RBP2: variants seen among roughly 807,000 people sequenced by gnomAD.
RBP2 encodes the protein retinol binding protein 2, also known as retinol-binding protein 2.
RBP2 carries 17 observed loss-of-function variants against 17.0 expected under a neutral mutation model. The observed-to-expected ratio is 1.00, with a 90% confidence interval of 0.68 to 1.50. The LOEUF (loss-of-function observed/expected upper bound fraction) is 1.50. Ranked by LOEUF, RBP2 falls within the 40% of genes most tolerant of loss-of-function variation. The pLI is 0.00. For synonymous variants in RBP2, 48 were observed against 57.1 expected, an observed-to-expected ratio of 0.84 and a Z score of 0.72; for missense variants, 158 against 168.2, an observed-to-expected ratio of 0.94 and a Z score of 0.33.
At chr3:139,460,167 G>C (rs767470266) in intron 2 of RBP2, among the ~76,000 whole-genome samples, 1 of 152,324 alleles carries the variant, frequency 6.6e-6, no homozygotes, top group East Asian at 1.9e-4. Context: ...CACTGATTGG[G>C]TTGGAACAGC....
chr3:139,455,840 C>G (rs965895234), intron 2 of RBP2, among the ~76,000 whole-genome samples: 1 of 152,204 alleles, frequency 6.6e-6, no homozygotes, highest in Non-Finnish European at 1.5e-5. Context: ...GCTGAACAGC[C>G]AGGCTACAGT....
At chr3:139,462,324 T>C (rs755289228) in intron 1 of RBP2, 34 bp from the exon 2 acceptor site, 1 of 1,606,992 alleles carries the variant, frequency 6.2e-7, no homozygotes, top group Admixed American at 1.7e-5. Context: ...GGTTATGATG[T>C]GCTCAGCCAG....
intron 1 of RBP2, among the ~76,000 whole-genome samples, chr3:139,465,720 T>C (rs1462518727): frequency 6.6e-6 from 1 of 152,192 alleles, no homozygotes; most frequent in Non-Finnish European, 1.5e-5. Context: ...AGGCAGTTTG[T>C]TTTCCAAAGC....
At chr3:139,458,144 T>C (rs1933041763) in intron 2 of RBP2, among the ~76,000 whole-genome samples, 1 of 152,216 alleles carries the variant, frequency 6.6e-6, no homozygotes, top group Non-Finnish European at 1.5e-5. Flanking sequence ...CAGGTGTTTT[T>C]TGTTATATTC....
intron 1 of RBP2, among the ~76,000 whole-genome samples, chr3:139,465,574 G>A (rs1040423746): frequency 2.0e-5 from 3 of 152,138 alleles, no homozygotes; most frequent in Non-Finnish European, 4.4e-5. Flanking sequence ...CCCAAGCTCT[G>A]GGGTAGCCCA....
intron 1 of RBP2, among the ~76,000 whole-genome samples, chr3:139,467,783 C>T (rs1439458305): frequency 6.6e-6 from 1 of 152,168 alleles, no homozygotes; most frequent in Admixed American, 6.6e-5. Context: ...CCATAGCTGT[C>T]TGCACTCCAT....
intron 1 of RBP2, among the ~76,000 whole-genome samples, chr3:139,470,658 T>C (rs1933533354): frequency 1.3e-5 from 2 of 151,794 alleles, no homozygotes; most frequent in South Asian, 4.2e-4. Flanking sequence ...ACACACCAGC[T>C]TTCTCAAATC....
chr3:139,473,248 A>G (rs1369806804), intron 1 of RBP2, among the ~76,000 whole-genome samples: 2 of 152,210 alleles, frequency 1.3e-5, no homozygotes, highest in Non-Finnish European at 2.9e-5. Flanking sequence ...TGAACTCTTA[A>G]TGATGTAATT....
chr3:139,460,429 T>C (rs1318355736), intron 2 of RBP2, among the ~76,000 whole-genome samples: 2 of 152,242 alleles, frequency 1.3e-5, no homozygotes, highest in East Asian at 3.8e-4. Context: ...CTAAATATAA[T>C]TCAACCTTGA....
At chr3:139,464,687 A>G (rs1933302072) in intron 1 of RBP2, among the ~76,000 whole-genome samples, 1 of 152,240 alleles carries the variant, frequency 6.6e-6, no homozygotes, top group South Asian at 2.1e-4. Context: ...ACATACCTGT[A>G]TCCTAAGTTG....
Position 139,452,885 on chromosome 3 carries a change from A to C in RBP2, c.*231T>G. The C allele has an allele frequency of 1.8e-6, 1 of 563,480 alleles. No homozygotes were observed. Among genetic ancestry groups the C allele is most frequent in the Non-Finnish European group, 3.2e-6 (1 of 315,994 alleles). 34.9% of individuals were successfully genotyped at this position (563,480 alleles called of 1,614,324 possible). On this transcript the variant is annotated 3_prime_UTR_variant, in exon 4 of 4. Transcript: ENST00000232217. ...TCTAGAAATAAACGGAGATCCATAT[A>C]AAGGGTTTCAAAATATGGGAGTAAT...
intron 2 of RBP2, among the ~76,000 whole-genome samples, chr3:139,456,654 AC>A (rs547017565): frequency 1.8e-3 from 267 of 152,252 alleles, no homozygotes; most frequent in Non-Finnish European, 3.3e-3. Flanking sequence ...AGTAAAAGAA[AC>A]CCTTACTAGT....
chr3:139,457,608 TAAG>T (rs1576420116), intron 2 of RBP2, among the ~76,000 whole-genome samples: 1 of 152,316 alleles, frequency 6.6e-6, no homozygotes, highest in South Asian at 2.1e-4. Flanking sequence ...TATATAAAAA[TAAG>T]AAGCAGAAAG....
At chr3:139,461,278 G>A (rs187161196) in intron 2 of RBP2, among the ~76,000 whole-genome samples, 1 of 152,282 alleles carries the variant, frequency 6.6e-6, no homozygotes, top group East Asian at 1.9e-4. Flanking sequence ...GTGGGCAAGA[G>A]CCTGCTTCTT....
chr3:139,454,979 A>G (rs575413130), intron 2 of RBP2, 149 bp from the exon 3 acceptor site: 1 of 698,748 alleles, frequency 1.4e-6, no homozygotes, highest in African/African-American at 1.8e-5. Flanking sequence ...AGATGCTTCC[A>G]ATGTCATTTT....
intron 2 of RBP2, among the ~76,000 whole-genome samples, chr3:139,458,517 G>A (rs79361389): frequency 0.067 from 10,146 of 152,098 alleles, 446 homozygotes; most frequent in Middle Eastern, 0.15. Flanking sequence ...TACACAATTC[G>A]GTAGCTTTTA....
intron 2 of RBP2, among the ~76,000 whole-genome samples, chr3:139,456,939 C>T (rs12695698): frequency 0.27 from 41,163 of 152,074 alleles, 7,031 homozygotes; most frequent in East Asian, 0.86. Context: ...ATAATTTGCT[C>T]TTTCTTATCA....
chr3:139,458,108 TGTG>T (rs1218631213), intron 2 of RBP2, among the ~76,000 whole-genome samples: 1 of 152,202 alleles, frequency 6.6e-6, no homozygotes, highest in Non-Finnish European at 1.5e-5. Context: ...AGGGGCAAAA[TGTG>T]GTAACTCTTG....
At chr3:139,468,862 A>G (rs1373448863) in intron 1 of RBP2, among the ~76,000 whole-genome samples, 3 of 152,216 alleles carry the variant, frequency 2.0e-5, no homozygotes, top group Admixed American at 1.3e-4. Flanking sequence ...GGAAAGGTCC[A>G]AAGGCAAGCT....
Sources: gnomAD v4.1 joint callset for allele counts (sites outside exome capture counted in the v4.1 genomes callset) on GRCh38, gnomAD v4.1.1 for gene constraint, MANE v1.5 for transcripts, NCBI Gene and HGNC (gene_info 2026-07-23, HGNC 2026-07-21) for gene names.